CRKL: variants seen among roughly 807,000 people sequenced by gnomAD.
CRKL encodes the protein CRK like proto-oncogene, adaptor protein.
In CRKL, 3 loss-of-function variants were observed where a neutral mutation model predicts 23.0. The ratio of observed to expected loss-of-function variants is 0.13; its 90% CI spans 0.06 to 0.34. The LOEUF (loss-of-function observed/expected upper bound fraction) is 0.34, where lower values mean the gene tolerates loss of function less well. CRKL is among the 10% of genes least tolerant of loss of function. The pLI is 1.00. For synonymous variants in CRKL, 188 were observed against 160.7 expected (o/e 1.17, Z -1.28); for missense variants, 256 against 394.5 (o/e 0.65, Z 2.97).
chr22:20,929,917 G>A (rs1489558519), intron 1 of CRKL, among the ~76,000 whole-genome samples: 3 of 152,208 alleles, frequency 2.0e-5, no homozygotes, highest in Admixed American at 6.6e-5. Flanking sequence ...CTGACATGGA[G>A]CAACATGTAT....
intron 1 of CRKL, among the ~76,000 whole-genome samples, chr22:20,931,932 C>A (rs960233835): frequency 4.6e-5 from 7 of 152,180 alleles, no homozygotes; most frequent in Non-Finnish European, 1.0e-4. Context: ...CTGCCTCAGC[C>A]TCCTGAGTAA....
chr22:20,947,560 G>A (rs924662537), intron 2 of CRKL, among the ~76,000 whole-genome samples: 36 of 151,308 alleles, frequency 2.4e-4, no homozygotes, highest in African/African-American at 8.3e-4. Context: ...TGCTGGTCTC[G>A]AACTCCTGAC....
At chr22:20,940,839 C>T (rs766605079) in intron 2 of CRKL, among the ~76,000 whole-genome samples, 1 of 152,078 alleles carries the variant, frequency 6.6e-6, no homozygotes, top group Non-Finnish European at 1.5e-5. Context: ...TTATCAGATT[C>T]CCACTTTACC....
intron 1 of CRKL, among the ~76,000 whole-genome samples, chr22:20,923,053 G>C (rs1048777927): frequency 6.6e-6 from 1 of 152,132 alleles, no homozygotes; most frequent in Non-Finnish European, 1.5e-5. Context: ...TGCTTTGTTT[G>C]ACATTTTCCA....
chr22:20,945,240 G>T (rs1372202732), intron 2 of CRKL, among the ~76,000 whole-genome samples: 1 of 151,686 alleles, frequency 6.6e-6, no homozygotes, highest in Non-Finnish European at 1.5e-5. Flanking sequence ...TGATCTGCCT[G>T]CCTCGGCCTC....
chr22:20,951,811 G>A lies in CRKL; in HGVS notation c.*1966G>A. ...AGAGTGTTCCTGAGACAGAATTAAT[G>A]GTCATTTGGGAAAACTATCGCCATG... On this transcript the variant is annotated 3_prime_UTR_variant, in exon 3 of 3. Coordinates refer to ENST00000354336, the MANE Select transcript of CRKL (RefSeq NM_005207.4). 4.5e-6 allele frequency: 1 copy of A among 220,898 alleles called. No homozygotes were observed. The highest frequency in any genetic ancestry group is 6.6e-5 in the East Asian group (1 of 15,094). The allele number at this position is 220,898 out of a possible 1,614,324, so 13.7% of individuals were successfully genotyped here.
rs976691655 is a variant in CRKL at position 20,934,081 on chromosome 22, A to T, written c.614A>T (p.His205Leu). The T allele has an allele frequency of 6.2e-7, 1 of 1,614,192 alleles. No individual in the cohort carries two copies. The highest frequency in any genetic ancestry group is 2.2e-5 in the East Asian group (1 of 44,878). ...SNSYGIPEPA[H>L]AYAQPQTTTP... ...AGTTATGGGATCCCAGAACCTGCTC[A>T]TGCATACGCTCAACCTCAGACCACA... is the stretch of plus-strand genomic sequence containing the variant. Residue 205 changes from histidine (H) to leucine (L), a missense_variant, in exon 2 of 3, where the codon CAT (histidine) becomes CTT (leucine). Around this residue, in one of 3 missense-constraint regions of CRKL, gnomAD observed 129 missense variants for 222.1 expected, o/e 0.58. Transcript: ENST00000354336.
intron 1 of CRKL, 34 bp downstream of exon 1, chr22:20,918,279 G>A (rs750204697): frequency 3.7e-6 from 6 of 1,604,836 alleles, no homozygotes; most frequent in African/African-American, 1.3e-5. Context: ...GCGGAGGAAG[G>A]TCGAGAACCG....
At chr22:20,939,206 C>T (rs945039525) in intron 2 of CRKL, among the ~76,000 whole-genome samples, 2 of 146,526 alleles carry the variant, frequency 1.4e-5, no homozygotes, top group African/African-American at 5.0e-5. Flanking sequence ...AGATGTATTT[C>T]CTGTGGCACA....
intron 1 of CRKL, among the ~76,000 whole-genome samples, chr22:20,930,336 AAC>A (rs2147901479): frequency 6.6e-6 from 1 of 152,272 alleles, no homozygotes; most frequent in African/African-American, 2.4e-5. Context: ...TGTAGTGAAA[AAC>A]AGTCATAGAC....
intron 1 of CRKL, among the ~76,000 whole-genome samples, chr22:20,930,774 G>A (rs1304701295): frequency 1.4e-4 from 18 of 125,540 alleles, no homozygotes; most frequent in African/African-American, 5.1e-4. Flanking sequence ...TCCGCCTCCC[G>A]GGTTTACACC....
At chr22:20,939,513 T>C (rs561940648) in intron 2 of CRKL, among the ~76,000 whole-genome samples, 37 of 152,248 alleles carry the variant, frequency 2.4e-4, no homozygotes, top group African/African-American at 8.4e-4. Flanking sequence ...CCCAAAATGC[T>C]GGGATTACAG....
intron 2 of CRKL, 36 bp downstream of exon 2, chr22:20,934,280 G>T (rs2147906286): frequency 6.5e-7 from 1 of 1,543,950 alleles, no homozygotes. Flanking sequence ...TGGGTCCTTT[G>T]ACATTTGGTT....
In CRKL at chr22:20,941,576, GTGTA is replaced by G. The variant is rs1312932489; in HGVS notation, c.777+7334_777+7337del. Among the ~76,000 whole-genome samples, 15 of 40,530 alleles carry G rather than the reference GTGTA, an allele frequency of 3.7e-4. 1 individual carries two copies. The highest frequency in any genetic ancestry group is 5.0e-4 in the African/African-American group (5 of 10,100). 26.6% of individuals were successfully genotyped at this position (40,530 alleles called of 152,430 possible). On this transcript the variant is annotated intron_variant, in intron 2 of 2. Coordinates refer to ENST00000354336, the MANE Select transcript of CRKL (RefSeq NM_005207.4). ...TGTGTGTGTGTGTGTGTGTGTGTGTGTGTATATATATATTTTTTTTTTTTTTTTT... is the reference window on the plus strand; with the variant it reads ...TGTGTGTGTGTGTGTGTGTGTGTGTGTATATATATTTTTTTTTTTTTTTTT...
rs905905244 is a variant in CRKL at position 20,951,769 on chromosome 22, T to C, written c.*1924T>C. 3.6e-5 allele frequency: 8 copies of C among 220,946 alleles called. No homozygotes were observed. The highest frequency in any genetic ancestry group is 1.8e-4 in the African/African-American group (8 of 44,670). 13.7% of individuals were successfully genotyped at this position (220,946 alleles called of 1,614,324 possible). A position where few individuals can be genotyped will look rare whatever the true frequency, so the allele number is the denominator to read the frequency against. ...AGTATTCCATCAGGCAGATAACTGC[T>C]GTATTCATGAATCTTGAGAGTGTTC... On this transcript the variant is annotated 3_prime_UTR_variant, in exon 3 of 3. Coordinates refer to ENST00000354336, the MANE Select transcript of CRKL (RefSeq NM_005207.4).
intron 1 of CRKL, among the ~76,000 whole-genome samples, chr22:20,924,434 C>T (rs1249371727): frequency 1.3e-5 from 2 of 152,130 alleles, no homozygotes; most frequent in Non-Finnish European, 2.9e-5. Flanking sequence ...ATCTAGACTT[C>T]CATAATTTGG....
rs1218594573 is a variant in CRKL at position 20,917,674 on chromosome 22, G to A, written c.-261G>A. ...CGGGGTGGCCTCCGCTGCGGCTCGGGTTTGCCTGCCCCGACCCCCCGGCTC... is the reference window on the plus strand; with the variant it reads ...CGGGGTGGCCTCCGCTGCGGCTCGGATTTGCCTGCCCCGACCCCCCGGCTC... On this transcript the variant is annotated 5_prime_UTR_variant, in exon 1 of 3. Transcript: ENST00000354336. The A allele has an allele frequency of 2.8e-5, 14 of 500,304 alleles. No individual in the cohort carries two copies. Among genetic ancestry groups the A allele is most frequent in the Non-Finnish European group, 4.6e-5 (13 of 285,082 alleles). The allele number at this position is 500,304 out of a possible 1,614,324, so 31.0% of individuals were successfully genotyped here. A position where few individuals can be genotyped will look rare whatever the true frequency, so the allele number is the denominator to read the frequency against.
rs1461524035 is a variant in CRKL at position 20,925,739 on chromosome 22, G to A, written c.311+7494G>A. On this transcript the variant is annotated intron_variant, in intron 1 of 2. Coordinates refer to ENST00000354336, the MANE Select transcript of CRKL (RefSeq NM_005207.4). ...GAGGCTTTGAAGGTGCACACTCAAC[G>A]GTATTCGAATTCTGTCACACCAGTT... Among the ~76,000 whole-genome samples, 5 of 152,226 alleles carry A rather than the reference G, an allele frequency of 3.3e-5. No homozygotes were observed. In the East Asian group the frequency reaches 9.7e-4, roughly 29 times the overall value.
chr22:20,952,196 C>G lies in CRKL; in HGVS notation c.*2351C>G, dbSNP rs1304696078. ...CAGATTTAGCTGAAGGGCTTGACACCTTTGAATTACAGCAGTTGACTCAGA... is the reference window on the plus strand; with the variant it reads ...CAGATTTAGCTGAAGGGCTTGACACGTTTGAATTACAGCAGTTGACTCAGA... On this transcript the variant is annotated 3_prime_UTR_variant, in exon 3 of 3. Transcript: ENST00000354336. The G allele has an allele frequency of 4.4e-6, 1 of 229,310 alleles. No homozygotes were observed. The highest frequency in any genetic ancestry group is 8.6e-6 in the Non-Finnish European group (1 of 116,028). 14.2% of individuals were successfully genotyped at this position (229,310 alleles called of 1,614,324 possible). A position where few individuals can be genotyped will look rare whatever the true frequency, so the allele number is the denominator to read the frequency against.
Sources: gnomAD v4.1 joint callset for allele counts (sites outside exome capture counted in the v4.1 genomes callset) on GRCh38, gnomAD v4.1.1 for gene constraint, gnomAD v4.1.1 regional missense constraint, MANE v1.5 for transcripts, NCBI Gene and HGNC (gene_info 2026-07-23, HGNC 2026-07-21) for gene names.